Variants in HTR7 observed in about 807,000 individuals in gnomAD.
HTR7 encodes the protein 5-hydroxytryptamine receptor 7, also known as 5-HT-7.
A neutral mutation model predicts 34.0 loss-of-function variants in HTR7; 16 were observed. That is an observed-to-expected ratio of 0.47 (90% CI 0.32 to 0.71). HTR7 has a LOEUF of 0.71. Ranked by LOEUF, HTR7 falls within the 30% of genes least tolerant of loss-of-function variation. The probability of loss-of-function intolerance (pLI) is 0.04; values close to 1 mark genes in which losing one functional copy is unlikely to be tolerated. For missense variants in HTR7, 504 were observed against 625.5 expected, an observed-to-expected ratio of 0.81 and a Z score of 2.07; for synonymous variants, 265 against 260.2, an observed-to-expected ratio of 1.02 and a Z score of -0.18.
chr10:90,777,340 G>A (rs1193383797), intron 1 of HTR7, among the ~76,000 whole-genome samples: 1 of 152,076 alleles, frequency 6.6e-6, no homozygotes, highest in African/African-American at 2.4e-5. Context: ...AATTAGCTGG[G>A]TGTGGTGGTG....
At chr10:90,817,277 G>C (rs1845911442) in intron 1 of HTR7, among the ~76,000 whole-genome samples, 1 of 152,194 alleles carries the variant, frequency 6.6e-6, no homozygotes, top group Non-Finnish European at 1.5e-5. Flanking sequence ...CACACTTCCT[G>C]ATACTCCCAC....
chr10:90,780,748 CA>C (rs1845295980), intron 1 of HTR7, among the ~76,000 whole-genome samples: 1 of 152,058 alleles, frequency 6.6e-6, no homozygotes, highest in Non-Finnish European at 1.5e-5. Flanking sequence ...TCAAGAATGA[CA>C]AAATCAAACT....
chr10:90,777,508 C>G (rs1405801979), intron 1 of HTR7, among the ~76,000 whole-genome samples: 1 of 151,170 alleles, frequency 6.6e-6, no homozygotes, highest in East Asian at 1.9e-4. Flanking sequence ...AAAGATGCCT[C>G]CTACAAAAAG....
intron 1 of HTR7, among the ~76,000 whole-genome samples, chr10:90,828,903 A>C (rs1846120835): frequency 6.6e-6 from 1 of 152,034 alleles, no homozygotes; most frequent in South Asian, 2.1e-4. Context: ...AGGATGTAGA[A>C]GTCTCAGGGG....
chr10:90,773,639 TC>T (rs954671303), intron 1 of HTR7, among the ~76,000 whole-genome samples: 60 of 152,278 alleles, frequency 3.9e-4, no homozygotes, highest in African/African-American at 1.2e-3. Flanking sequence ...CTGGTAACCA[TC>T]CTTCTACTCT....
chr10:90,846,617 C>G (rs1410167337), intron 1 of HTR7, among the ~76,000 whole-genome samples: 2 of 152,114 alleles, frequency 1.3e-5, no homozygotes, highest in Non-Finnish European at 2.9e-5. Flanking sequence ...ATATTCCAGG[C>G]AAGAAGATGG....
intron 1 of HTR7, among the ~76,000 whole-genome samples, chr10:90,842,170 A>T (rs1259538242): frequency 6.6e-6 from 1 of 152,188 alleles, no homozygotes; most frequent in Non-Finnish European, 1.5e-5. Flanking sequence ...GCCCTCATGG[A>T]TGGGATTAGC....
chr10:90,842,035 C>A (rs12414389), intron 1 of HTR7, among the ~76,000 whole-genome samples: 6 of 149,578 alleles, frequency 4.0e-5, no homozygotes, highest in Non-Finnish European at 6.0e-5. Context: ...ACAACAACAA[C>A]AAAAAAGATC....
At chr10:90,759,773 T>C (rs953310655) in intron 1 of HTR7, among the ~76,000 whole-genome samples, 4 of 152,060 alleles carry the variant, frequency 2.6e-5, no homozygotes, top group African/African-American at 9.7e-5. Context: ...ATGTAAATTT[T>C]ACAAAGTAAA....
chr10:90,751,690 T>C (rs1296963599), intron 1 of HTR7, among the ~76,000 whole-genome samples: 1 of 152,000 alleles, frequency 6.6e-6, no homozygotes, highest in African/African-American at 2.4e-5. Context: ...GTTGGAAAAA[T>C]TATGACAAAA....
At chr10:90,836,365 AACTGACTGGTGGTATAACCTAAGTCCCT>A (rs1846251893) in intron 1 of HTR7, among the ~76,000 whole-genome samples, 1 of 152,202 alleles carries the variant, frequency 6.6e-6, no homozygotes, top group African/African-American at 2.4e-5. Context: ...AAGCTGCCCT[AACTGACTGGTGGTATAACCTAAGTCCCT>A]GGTACAGGTC....
chr10:90,810,746 G>A (rs1000741429), intron 1 of HTR7, among the ~76,000 whole-genome samples: 1 of 152,038 alleles, frequency 6.6e-6, no homozygotes, highest in Admixed American at 6.5e-5. Context: ...GACTGACCCT[G>A]ACACCCATCA....
chr10:90,773,596 C>T (rs1283678276), intron 1 of HTR7, among the ~76,000 whole-genome samples: 1 of 152,096 alleles, frequency 6.6e-6, no homozygotes. Context: ...TCATCCTCAC[C>T]TGCTCTCCAA....
intron 1 of HTR7, among the ~76,000 whole-genome samples, chr10:90,818,982 G>A (rs906968433): frequency 2.0e-5 from 3 of 152,142 alleles, no homozygotes; most frequent in Non-Finnish European, 4.4e-5. Context: ...CTTCTACCAT[G>A]ATTGAAAGTT....
intron 1 of HTR7, among the ~76,000 whole-genome samples, chr10:90,766,631 T>C (rs1038910782): frequency 1.7e-4 from 26 of 152,250 alleles, no homozygotes; most frequent in Admixed American, 1.3e-3. Flanking sequence ...GCTGTCTTCC[T>C]TTGTAACCTG....
intron 1 of HTR7, among the ~76,000 whole-genome samples, chr10:90,844,447 C>T (rs1449508113): frequency 2.0e-5 from 3 of 151,660 alleles, no homozygotes; most frequent in Admixed American, 6.6e-5. Flanking sequence ...TCAGTCTGGC[C>T]GGGCGCAGTG....
chr10:90,826,734 G>A (rs1003048939), intron 1 of HTR7, among the ~76,000 whole-genome samples: 6 of 151,668 alleles, frequency 4.0e-5, no homozygotes, highest in East Asian at 3.9e-4. Flanking sequence ...TCAGGAGATC[G>A]AGACCATCCT....
In HTR7 at chr10:90,804,382, G is replaced by A. The variant is rs781295638; in HGVS notation, c.539+52751C>T. 1.3e-3 allele frequency among the ~76,000 whole-genome samples: 202 copies of A among 152,310 alleles called. 1 individual carries two copies. Among genetic ancestry groups the A allele is most frequent in the Non-Finnish European group, 1.4e-3 (93 of 68,028 alleles). On this transcript the variant is annotated intron_variant, in intron 1 of 3. Coordinates refer to ENST00000336152, the MANE Select transcript of HTR7 (RefSeq NM_019859.4). ...GTTAACACTTAGCCATCTTTGGACA[G>A]CAAATACCAAAAGAGCATTGTTTGT...
At chr10:90,803,115 G>A (rs921053701) in intron 1 of HTR7, among the ~76,000 whole-genome samples, 48 of 151,534 alleles carry the variant, frequency 3.2e-4, no homozygotes, top group Admixed American at 3.9e-4. Context: ...TTGTCTGAGG[G>A]GTATAAAGGA....
Sources: gnomAD v4.1 joint callset for allele counts (sites outside exome capture counted in the v4.1 genomes callset) on GRCh38, gnomAD v4.1.1 for gene constraint, MANE v1.5 for transcripts, NCBI Gene and HGNC (gene_info 2026-07-23, HGNC 2026-07-21) for gene names.